CCSER2: variants seen among roughly 807,000 people sequenced by gnomAD.
CCSER2 encodes serine-rich coiled-coil domain-containing protein 2.
CCSER2 carries 46 observed loss-of-function variants against 92.3 expected under a neutral mutation model. The ratio of observed to expected loss-of-function variants is 0.50; its 90% confidence interval spans 0.39 to 0.64. CCSER2 has a LOEUF of 0.64. Among genes scored for constraint, CCSER2 ranks in the 30% least tolerant of loss-of-function variants. CCSER2 has a pLI of 0.00. For missense variants in CCSER2, 1,244 were observed against 1,238.9 expected (o/e 1.00, Z -0.06); for synonymous variants, 433 against 431.4 (o/e 1.00, Z -0.04).
At chr10:84,513,307 T>C in intron 9 of CCSER2, 142 bp from the exon 10 acceptor site, 1 of 662,734 alleles carries the variant, frequency 1.5e-6, no homozygotes, top group Non-Finnish European at 2.5e-6. Flanking sequence ...AATATTGCAG[T>C]TCATTTTTTA....
chr10:84,331,882 AGAT>A (rs1286321141), intron 1 of CCSER2, among the ~76,000 whole-genome samples: 2 of 152,360 alleles, frequency 1.3e-5, no homozygotes, highest in East Asian at 3.9e-4. Context: ...TTATACCTTT[AGAT>A]GATTATACAG....
Position 84,417,460 on chromosome 10 carries a change from A to G in CCSER2, c.1615-311A>G, listed in dbSNP as rs566466896. ...ATGAATAAATTTTGGGCAATTCTTT[A>G]CTATTTTTGATTCTTCAGTATTTTA... On this transcript the variant is annotated intron_variant, in intron 3 of 9. Coordinates refer to ENST00000372088, the MANE Select transcript of CCSER2 (RefSeq NM_001284240.2). 4.6e-5 allele frequency among the ~76,000 whole-genome samples: 7 copies of G among 152,318 alleles called. No homozygotes were observed. The East Asian group carries it at 1.3e-3, about 29-fold the overall frequency.
chr10:84,462,725 T>C (rs750875829), intron 6 of CCSER2, among the ~76,000 whole-genome samples: 1 of 152,220 alleles, frequency 6.6e-6, no homozygotes, highest in Non-Finnish European at 1.5e-5. Context: ...TCAATCAGCA[T>C]TACCTTTTGA....
At chr10:84,377,955 T>C (rs1482237877) in intron 3 of CCSER2, among the ~76,000 whole-genome samples, 1 of 152,192 alleles carries the variant, frequency 6.6e-6, no homozygotes, top group Admixed American at 6.5e-5. Flanking sequence ...CTACTAGTTA[T>C]AATAATTTGC....
intron 3 of CCSER2, among the ~76,000 whole-genome samples, chr10:84,386,899 A>G (rs931940880): frequency 6.6e-6 from 1 of 152,198 alleles, no homozygotes; most frequent in Non-Finnish European, 1.5e-5. Context: ...ACACATGGAC[A>G]TAAACATGGA....
Position 84,513,579 on chromosome 10 carries a change from A to ACGTCT in CCSER2, c.2456_2457insCGTCT (p.Pro820ValfsTer30). 6.2e-7 allele frequency: 1 copy of ACGTCT among 1,613,996 alleles called. No homozygotes were observed. Among genetic ancestry groups the ACGTCT allele is most frequent in the Non-Finnish European group, 8.5e-7 (1 of 1,180,006 alleles). ...CAAGACATGCATCAGGGCGGTGCAC[A>ACGTCT]TCCGGAAGAAAGCTTTACACACGTC... On this transcript the variant is annotated frameshift_variant, in exon 10 of 10. Transcript: ENST00000372088. LOFTEE classifies it high-confidence loss of function.
At chr10:84,429,154 G>A (rs1037728400) in intron 5 of CCSER2, among the ~76,000 whole-genome samples, 5 of 152,064 alleles carry the variant, frequency 3.3e-5, no homozygotes, top group African/African-American at 1.2e-4. Context: ...AGTTTGTGAA[G>A]GATTTTTGTG....
chr10:84,491,151 C>T (rs1329734655), intron 9 of CCSER2, among the ~76,000 whole-genome samples: 1 of 152,222 alleles, frequency 6.6e-6, no homozygotes, highest in Non-Finnish European at 1.5e-5. Context: ...TCTGCCCCTA[C>T]TGGGGGGTGC....
At position 84,363,510 on chromosome 10, in the gene CCSER2, G is replaced by C. The variant is rs1337912380; in HGVS notation, c.-39-7504G>C. Among the ~76,000 whole-genome samples the C allele has an allele frequency of 3.3e-5, 5 of 152,240 alleles. No homozygotes were observed. The East Asian group carries it at 9.7e-4, about 29-fold the overall frequency. The stretch of plus-strand genomic sequence containing the variant: ...CATCAGTATTGTTGTTCAGTTAATT[G>C]CTCTTGTACTTAGTAGTGAGTTTAT... On this transcript the variant is annotated intron_variant, in intron 1 of 9. Coordinates refer to ENST00000372088, the MANE Select transcript of CCSER2 (RefSeq NM_001284240.2).
At position 84,477,380 on chromosome 10, in the gene CCSER2, T is replaced by G. The variant is rs185281103; in HGVS notation, c.2236-195T>G. 2.6e-3 allele frequency among the ~76,000 whole-genome samples: 400 copies of G among 152,308 alleles called. 2 individuals carry two copies. Among genetic ancestry groups the G allele is most frequent in the Non-Finnish European group, 1.6e-3 (110 of 68,028 alleles). On this transcript the variant is annotated intron_variant, in intron 8 of 9. Coordinates refer to ENST00000372088, the MANE Select transcript of CCSER2 (RefSeq NM_001284240.2). ...CCAGAACTATTTTGCCATGTGTGAC[T>G]TTTTTGTTGATTTGGTTACATACCC...
intron 6 of CCSER2, among the ~76,000 whole-genome samples, chr10:84,457,664 AATTT>A (rs1845847998): frequency 8.8e-6 from 1 of 113,616 alleles, no homozygotes; most frequent in Non-Finnish European, 1.7e-5. Flanking sequence ...TATTATTTTT[AATTT>A]TAGTTATTAT....
chr10:84,371,499 G>C lies in CCSER2; in HGVS notation c.447G>C (p.Leu149Phe). 6.2e-7 allele frequency: 1 copy of C among 1,613,698 alleles called. No individual in the cohort carries two copies. Among genetic ancestry groups the C allele is most frequent in the Non-Finnish European group, 8.5e-7 (1 of 1,179,782 alleles). Reference protein sequence around the residue: ...NQKSFSGPSNLGKFTKGTLLG... With the variant: ...NQKSFSGPSNFGKFTKGTLLG... ...AGTCTTTTTCTGGACCATCTAATTT[G>C]GGTAAATTCACCAAAGGCACATTAT... The change falls in exon 2 of 10, where the codon TTG (leucine) becomes TTC (phenylalanine). Residue 149 changes from leucine (L) to phenylalanine (F), a missense_variant. Physicochemically the swap from Leu to Phe is conservative, Grantham distance 22. Transcript: ENST00000372088.
At position 84,371,501 on chromosome 10, in the gene CCSER2, G is replaced by T. The variant is rs377481517; in HGVS notation, c.449G>T (p.Gly150Val). 4.3e-6 allele frequency: 7 copies of T among 1,613,630 alleles called. No individual in the cohort carries two copies. Among genetic ancestry groups the T allele is most frequent in the Non-Finnish European group, 8.5e-7 (1 of 1,179,816 alleles). Residue 150 changes from glycine (G) to valine (V), a missense_variant, in exon 2 of 10, where the codon GGT (glycine) becomes GTT (valine). Gly to Val is a moderately radical substitution (Grantham distance 109). Coordinates refer to ENST00000372088, the MANE Select transcript of CCSER2 (RefSeq NM_001284240.2). ...TCTTTTTCTGGACCATCTAATTTGGGTAAATTCACCAAAGGCACATTATTA... is the reference window on the plus strand; with the variant it reads ...TCTTTTTCTGGACCATCTAATTTGGTTAAATTCACCAAAGGCACATTATTA... ...QKSFSGPSNLGKFTKGTLLGR... is the reference protein window; with the variant it reads ...QKSFSGPSNLVKFTKGTLLGR...
At chr10:84,373,494 C>T (rs1846175750) in intron 2 of CCSER2, 125 bp from the exon 3 acceptor site, 1 of 653,682 alleles carries the variant, frequency 1.5e-6, no homozygotes. Context: ...GAAAATGCTA[C>T]AGTTATGAGT....
chr10:84,505,224 T>A (rs1194159541), intron 9 of CCSER2, among the ~76,000 whole-genome samples: 1 of 152,174 alleles, frequency 6.6e-6, no homozygotes, highest in East Asian at 1.9e-4. Flanking sequence ...TATTCTAAAT[T>A]AATTTTTTTC....
rs532096839 is a variant in CCSER2, at chr10:84,419,790, G to A, written c.1705+1929G>A. On this transcript the variant is annotated intron_variant, in intron 4 of 9. Transcript: ENST00000372088. ...AGGAGATAATCACTTAGATTGAATT[G>A]CAGCACAATTCTTTCTGGAGTTAAA... Among the ~76,000 whole-genome samples the A allele has an allele frequency of 2.6e-5, 4 of 152,328 alleles. No homozygotes were observed. The South Asian group carries it at 6.2e-4, about 24-fold the overall frequency.
intron 3 of CCSER2, chr10:84,391,492 A>G (rs1474309530): frequency 1.3e-6 from 2 of 1,549,078 alleles, no homozygotes; most frequent in African/African-American, 2.7e-5. Flanking sequence ...AGCCTTGTAT[A>G]GCTGATTTCA....
chr10:84,328,656 C>T lies in CCSER2; in HGVS notation c.-192C>T, dbSNP rs1225013129. ...TTTGGAGTCCGGCGCTCCCTCAGGC[C>T]GCGGACGCGATGCTGGTTGCTGCGG... On this transcript the variant is annotated 5_prime_UTR_variant, in exon 1 of 10. Coordinates refer to ENST00000372088, the MANE Select transcript of CCSER2 (RefSeq NM_001284240.2). 3 of 150,738 alleles carry T rather than the reference C, an allele frequency of 2.0e-5. No homozygotes were observed. Among genetic ancestry groups the T allele is most frequent in the African/African-American group, 7.3e-5 (3 of 41,076 alleles). The allele number at this position is 150,738 out of a possible 1,614,324, so 9.3% of individuals were successfully genotyped here.
At chr10:84,435,624 T>C (rs1844058572) in intron 5 of CCSER2, among the ~76,000 whole-genome samples, 1 of 137,078 alleles carries the variant, frequency 7.3e-6, no homozygotes. Context: ...TACATGTTCC[T>C]TACCCATTCA....
Sources: gnomAD v4.1 joint callset for allele counts (sites outside exome capture counted in the v4.1 genomes callset) on GRCh38, gnomAD v4.1.1 for gene constraint, MANE v1.5 for transcripts, NCBI Gene and HGNC (gene_info 2026-07-23, HGNC 2026-07-21) for gene names.